Variants in FRMPD3 observed in about 807,000 individuals in gnomAD.
FRMPD3 encodes the protein FERM and PDZ domain containing 3, also known as FERM and PDZ domain-containing protein 3.
FRMPD3 carries 42 observed loss-of-function variants against 97.9 expected under a neutral mutation model. That is an observed-to-expected ratio of 0.43 (90% CI 0.34 to 0.55). The LOEUF (loss-of-function observed/expected upper bound fraction) is 0.55, where lower values mean the gene tolerates loss of function less well. Among genes scored for constraint, FRMPD3 ranks in the 20% least tolerant of loss-of-function variants. The pLI, the probability that FRMPD3 is intolerant of heterozygous loss-of-function variation, is 0.03. For synonymous variants in FRMPD3, 577 were observed against 581.1 expected (o/e 0.99, Z 0.10); for missense variants, 1,303 against 1,457.7 (o/e 0.89, Z 1.73).
chrX:107,528,981 T>C (rs1922814305), intron 2 of FRMPD3, among the ~76,000 whole-genome samples: 1 of 113,128 alleles, frequency 8.8e-6, no homozygotes, highest in African/African-American at 3.2e-5. Flanking sequence ...GTTCATGTTT[T>C]TGGAATTTGG....
At chrX:107,494,643 G>A (rs1218496035) in intron 1 of FRMPD3, among the ~76,000 whole-genome samples, 1 of 111,792 alleles carries the variant, frequency 8.9e-6, no homozygotes, top group African/African-American at 3.3e-5. Context: ...TAAGTGCTGG[G>A]TACTGGGCTT....
rs758033881 is a variant in FRMPD3 at position 107,603,074 on chromosome X, A to C, written c.5035A>C (p.Ile1679Leu). ...LIETFVRLVF[I>L]VRSEAQRQEL... The stretch of plus-strand genomic sequence containing the variant: ...TGAGACCTTCGTGCGGCTGGTGTTC[A>C]TTGTGCGCTCCGAGGCCCAGCGCCA... The change falls in exon 15 of 15, where the codon ATT becomes CTT. Residue 1679 changes from isoleucine (I) to leucine (L), a missense_variant. By Grantham distance (5) the Ile-to-Leu change is conservative. This residue lies in a region of FRMPD3 where 764 missense variants were observed against 820.2 expected (regional missense o/e 0.93). Transcript: ENST00000683843. The C allele has an allele frequency of 8.3e-7, 1 of 1,210,678 alleles. No homozygotes were observed.
At chrX:107,453,965 A>G (rs1426457474) in intron 1 of FRMPD3, among the ~76,000 whole-genome samples, 1 of 111,851 alleles carries the variant, frequency 8.9e-6, no homozygotes, top group African/African-American at 3.3e-5. Context: ...CTGTAGGAGC[A>G]GGTGTGTCTA....
chrX:107,580,978 C>T (rs1210228567), intron 13 of FRMPD3, among the ~76,000 whole-genome samples: 1 of 111,814 alleles, frequency 8.9e-6, no homozygotes, highest in Non-Finnish European at 1.9e-5. Flanking sequence ...ATGCCAGAAA[C>T]TTAGTCTCAG....
At chrX:107,510,822 C>G (rs1344271466) in intron 1 of FRMPD3, among the ~76,000 whole-genome samples, 1 of 112,113 alleles carries the variant, frequency 8.9e-6, no homozygotes, top group Non-Finnish European at 1.9e-5. Flanking sequence ...TTCCTTTGAT[C>G]ACTGGCTTTT....
At chrX:107,496,583 A>C (rs1921779526) in intron 1 of FRMPD3, among the ~76,000 whole-genome samples, 1 of 112,172 alleles carries the variant, frequency 8.9e-6, no homozygotes, top group Admixed American at 9.4e-5. Context: ...TCTGAGTGTT[A>C]GCTTTTTAAG....
chrX:107,503,635 T>C lies in FRMPD3; in HGVS notation c.-7-22947T>C, dbSNP rs1921964298. Among the ~76,000 whole-genome samples, 3 of 112,751 alleles carry C rather than the reference T, an allele frequency of 2.7e-5. No individual in the cohort carries two copies. In the South Asian group the frequency reaches 1.1e-3, roughly 42 times the overall value. On this transcript the variant is annotated intron_variant, in intron 1 of 14. Transcript: ENST00000683843. Reference sequence around the variant, plus strand: ...AAATGTCTCCTCAGTTGCCTGTCATTGTGCCTGAAATTTCACCATCAGTGA... The same window carrying C: ...AAATGTCTCCTCAGTTGCCTGTCATCGTGCCTGAAATTTCACCATCAGTGA...
In FRMPD3 at chrX:107,603,623, T is replaced by C; in HGVS notation, c.*250T>C. 3 of 427,912 alleles carry C rather than the reference T, an allele frequency of 7.0e-6. No individual in the cohort carries two copies. Among genetic ancestry groups the C allele is most frequent in the East Asian group, 4.3e-5 (1 of 23,361 alleles). The allele number at this position is 427,912 out of a possible 1,213,427, so 35.3% of individuals were successfully genotyped here. On this transcript the variant is annotated 3_prime_UTR_variant, in exon 15 of 15. Transcript: ENST00000683843. ...CTCACTGTGAGGGCAAAGGCCCCTC[T>C]TCACTCTGCTCACAGCAGAGCTGTA... is the stretch of plus-strand genomic sequence containing the variant.
intron 1 of FRMPD3, among the ~76,000 whole-genome samples, chrX:107,500,712 T>C (rs777854053): frequency 9.2e-6 from 1 of 108,815 alleles, no homozygotes; most frequent in Non-Finnish European, 1.9e-5. Flanking sequence ...GGAGAATTGC[T>C]TGAAAGAATC....
intron 1 of FRMPD3, among the ~76,000 whole-genome samples, chrX:107,451,407 C>T (rs1020043766): frequency 8.9e-6 from 1 of 112,305 alleles, no homozygotes; most frequent in African/African-American, 3.2e-5. Flanking sequence ...GCGAACTCCA[C>T]CTGGGCCTAG....
intron 1 of FRMPD3, among the ~76,000 whole-genome samples, chrX:107,512,214 GCT>G (rs1421388064): frequency 9.1e-6 from 1 of 110,193 alleles, no homozygotes; most frequent in East Asian, 2.9e-4. Flanking sequence ...GTGCAGTTAG[GCT>G]CTCAGTATGG....
At chrX:107,489,525 A>G (rs1320619606) in intron 1 of FRMPD3, among the ~76,000 whole-genome samples, 1 of 111,854 alleles carries the variant, frequency 8.9e-6, no homozygotes, top group Non-Finnish European at 1.9e-5. Context: ...AATGATCGCC[A>G]TTCTAACTGG....
At chrX:107,551,732 A>G (rs1921871566) in intron 6 of FRMPD3, among the ~76,000 whole-genome samples, 1 of 112,311 alleles carries the variant, frequency 8.9e-6, no homozygotes, top group African/African-American at 3.2e-5. Flanking sequence ...CCAGTTGGCA[A>G]TCGCCGGATT....
chrX:107,585,700 A>T (rs1923610852), intron 13 of FRMPD3, among the ~76,000 whole-genome samples: 1 of 111,956 alleles, frequency 8.9e-6, no homozygotes. Context: ...TGAGATAATC[A>T]TGTGTTTTTT....
intron 1 of FRMPD3, among the ~76,000 whole-genome samples, chrX:107,493,581 T>A (rs1252168070): frequency 8.9e-6 from 1 of 112,391 alleles, no homozygotes; most frequent in Non-Finnish European, 1.9e-5. Context: ...TAATTGTTTT[T>A]CTTTTAGGCC....
At chrX:107,450,402 C>G (rs1219972046) in intron 1 of FRMPD3, among the ~76,000 whole-genome samples, 1 of 111,112 alleles carries the variant, frequency 9.0e-6, no homozygotes, top group Non-Finnish European at 1.9e-5. Context: ...CCGGGGTGCC[C>G]GGCGAAGCCC....
chrX:107,496,647 G>A (rs752512139), intron 1 of FRMPD3, among the ~76,000 whole-genome samples: 3 of 112,047 alleles, frequency 2.7e-5, no homozygotes, highest in Non-Finnish European at 3.8e-5. Context: ...TCCAGAAAGC[G>A]CTCTGAGTTC....
chrX:107,548,518 C>T (rs988906855), intron 5 of FRMPD3, among the ~76,000 whole-genome samples: 9 of 112,580 alleles, frequency 8.0e-5, no homozygotes, highest in East Asian at 5.6e-4. Flanking sequence ...CCATTTATTG[C>T]GCACCAAATG....
At position 107,577,563 on chromosome X, in the gene FRMPD3, C is replaced by T. The variant is rs181355696; in HGVS notation, c.1441+1104C>T. On this transcript the variant is annotated intron_variant, in intron 13 of 14. Transcript: ENST00000683843. ...ACTCGGGAGGCTGAGACAGGAGAAT[C>T]GCTTGAACCCTGGAGGCAGAGGTTG... Among the ~76,000 whole-genome samples the T allele has an allele frequency of 3.7e-5, 4 of 108,633 alleles. No homozygotes were observed. In the East Asian group the frequency reaches 1.1e-3, roughly 31 times the overall value. 94.3% of individuals were successfully genotyped at this position (108,633 alleles called of 115,157 possible).
Sources: allele counts gnomAD v4.1 joint callset (sites outside exome capture counted in the v4.1 genomes callset), GRCh38; gene constraint gnomAD v4.1.1; regional missense constraint gnomAD v4.1.1; transcripts MANE v1.5; gene names NCBI Gene and HGNC (gene_info 2026-07-23, HGNC 2026-07-21).